EEIG1: variants seen among roughly 807,000 people sequenced by gnomAD.
The protein encoded by EEIG1 is estrogen-induced osteoclastogenesis regulator 1.
the EEIG1 span, chr9:127,950,335 A>G: frequency 7.2e-7 from 1 of 1,382,106 alleles, no homozygotes; most frequent in Non-Finnish European, 1.0e-6. Flanking sequence ...TGTATTTTTA[A>G]CAACCCTCCT....
the EEIG1 span, chr9:127,945,672 G>A: frequency 6.3e-7 from 1 of 1,595,378 alleles, no homozygotes; most frequent in Non-Finnish European, 8.5e-7. The surrounding 1 kb of genome is among the most constrained non-coding windows in gnomAD (Gnocchi z 6.5). Context: ...CTGCTGGCTG[G>A]CATAGCTGGA....
the EEIG1 span, chr9:127,945,344 G>C: frequency 6.4e-7 from 1 of 1,551,288 alleles, no homozygotes; most frequent in Non-Finnish European, 8.7e-7. The surrounding 1 kb of genome is among the most constrained non-coding windows in gnomAD (Gnocchi z 6.5). Flanking sequence ...GTTCTCCAGG[G>C]GGCACCAAGC....
chr9:127,964,007 T>TG, the EEIG1 span, among the ~76,000 whole-genome samples: 1 of 151,882 alleles, frequency 6.6e-6, no homozygotes, highest in Non-Finnish European at 1.5e-5. Flanking sequence ...GGTGAAGACC[T>TG]GGGGGGAAGG....
chr9:127,954,057 A>G, the EEIG1 span: 1 of 1,039,268 alleles, frequency 9.6e-7, no homozygotes, highest in Non-Finnish European at 1.4e-6. Flanking sequence ...CTGTGTCACA[A>G]AATAGCTGTG....
the EEIG1 span, chr9:127,943,119 A>C: frequency 6.9e-7 from 1 of 1,440,420 alleles, no homozygotes; most frequent in Non-Finnish European, 9.8e-7. Flanking sequence ...TGAAGGGGAA[A>C]GTTCCTCATG....
At chr9:127,973,642 G>A in the EEIG1 span, among the ~76,000 whole-genome samples, 1 of 152,184 alleles carries the variant, frequency 6.6e-6, no homozygotes, top group Non-Finnish European at 1.5e-5. This position sits in a 1 kb window ranked among gnomAD's most constrained non-coding sequence, Gnocchi z 4.2. Context: ...AGGCTTCCCC[G>A]CAGCCACCAG....
chr9:127,958,381 T>C, the EEIG1 span, among the ~76,000 whole-genome samples: 1 of 152,152 alleles, frequency 6.6e-6, no homozygotes, highest in Non-Finnish European at 1.5e-5. Context: ...TTAAAAACTT[T>C]TAGTGGGGCA....
chr9:127,950,069 A>G, the EEIG1 span, among the ~76,000 whole-genome samples: 1 of 152,118 alleles, frequency 6.6e-6, no homozygotes, highest in Non-Finnish European at 1.5e-5. Context: ...ACTCCCTCCC[A>G]TTTGAAGCTG....
At chr9:127,943,601 C>T in the EEIG1 span, 3 of 273,490 alleles carry the variant, frequency 1.1e-5, no homozygotes, top group East Asian at 2.7e-4. Flanking sequence ...ACCTGGTCAG[C>T]TCCTTTCCCT....
At chr9:127,957,033 T>A in the EEIG1 span, among the ~76,000 whole-genome samples, 2 of 152,060 alleles carry the variant, frequency 1.3e-5, no homozygotes, top group Admixed American at 1.3e-4. Context: ...ATTACAGGTG[T>A]GGTGGCTCAT....
chr9:127,943,643 A>C, the EEIG1 span: 2 of 221,190 alleles, frequency 9.0e-6, no homozygotes, highest in East Asian at 1.2e-4. Flanking sequence ...GGAGTCGGGG[A>C]CTCTCGGGGC....
chr9:127,947,263 CAA>C, the EEIG1 span, among the ~76,000 whole-genome samples: 1,797 of 94,634 alleles, frequency 0.019, 85 homozygotes, highest in East Asian at 0.22. Flanking sequence ...ACTAAAAATA[CAA>C]AAAAAAAAAA....
chr9:127,971,400 G>A, the EEIG1 span, among the ~76,000 whole-genome samples: 1 of 151,990 alleles, frequency 6.6e-6, no homozygotes, highest in Non-Finnish European at 1.5e-5. Flanking sequence ...CCATGCAGAG[G>A]AGCCCACCCC....
the EEIG1 span, among the ~76,000 whole-genome samples, chr9:127,958,001 G>C: frequency 6.6e-6 from 1 of 152,192 alleles, no homozygotes; most frequent in Non-Finnish European, 1.5e-5. Flanking sequence ...GCGACAGAGG[G>C]AGACTGTTTC....
At chr9:127,944,966 G>A in the EEIG1 span, 51 of 1,551,816 alleles carry the variant, frequency 3.3e-5, no homozygotes, top group South Asian at 2.4e-4. Flanking sequence ...ACAGAACGAC[G>A]ACAATAATGC....
chr9:127,942,201 C>T, the EEIG1 span: 2 of 152,752 alleles, frequency 1.3e-5, no homozygotes, highest in East Asian at 3.9e-4. Flanking sequence ...CTGGCATCCG[C>T]CCCAGTCTGG....
the EEIG1 span, among the ~76,000 whole-genome samples, chr9:127,973,166 CAGCA>C: frequency 6.6e-6 from 1 of 152,154 alleles, no homozygotes; most frequent in Non-Finnish European, 1.5e-5. The surrounding 1 kb of genome is among the most constrained non-coding windows in gnomAD (Gnocchi z 4.2). Context: ...CTGTCCCCAG[CAGCA>C]AGCGAGTGAC....
At chr9:127,945,033 G>T in the EEIG1 span, 1 of 1,081,782 alleles carries the variant, frequency 9.2e-7, no homozygotes, top group Non-Finnish European at 1.3e-6. This position sits in a 1 kb window ranked among gnomAD's most constrained non-coding sequence, Gnocchi z 6.5. Flanking sequence ...GTACTTCACT[G>T]AAACCTCACA....
chr9:127,963,145 T>C, the EEIG1 span, among the ~76,000 whole-genome samples: 2 of 152,248 alleles, frequency 1.3e-5, no homozygotes, highest in African/African-American at 4.8e-5. Flanking sequence ...AGAGACTCTT[T>C]CTTCGTTTCT....
Sources: gnomAD v4.1 joint callset for allele counts (sites outside exome capture counted in the v4.1 genomes callset) on GRCh38, gnomAD v4.1.1 for gene constraint, Gnocchi (gnomAD v3.1) non-coding constraint, MANE v1.5 for transcripts, NCBI Gene and HGNC (gene_info 2026-07-23, HGNC 2026-07-21) for gene names.